The following ST6GALNAC2 variants were observed in gnomAD, a reference collection of about 807,000 sequenced individuals.
ST6GALNAC2 encodes the protein alpha-N-acetylgalactosaminide alpha-2,6-sialyltransferase 2.
ST6GALNAC2 carries 42 observed loss-of-function variants against 38.7 expected under a neutral mutation model. The ratio of observed to expected loss-of-function variants is 1.09; its 90% CI spans 0.85 to 1.40. ST6GALNAC2 has a LOEUF of 1.40. ST6GALNAC2 is among the 40% of genes most tolerant of loss of function. ST6GALNAC2 has a pLI of 0.00. For synonymous variants in ST6GALNAC2, 233 were observed against 209.0 expected (o/e 1.11, Z -0.99); for missense variants, 506 against 481.7 (o/e 1.05, Z -0.47).
At position 76,573,306 on chromosome 17, in the gene ST6GALNAC2, G is replaced by A. The variant is rs774912802; in HGVS notation, c.419C>T (p.Pro140Leu). Residue 140 changes from proline (P) to leucine (L), a missense_variant, in exon 4 of 9, where the codon CCG becomes CTG. Pro to Leu is a moderately conservative substitution (Grantham distance 98). Coordinates refer to ENST00000225276, the MANE Select transcript of ST6GALNAC2 (RefSeq NM_006456.3). This position sits in a 1 kb window ranked among gnomAD's most constrained non-coding sequence, Gnocchi z 5.1. ...ACACTTTGGAGGGGTGTCCCTGGGC[G>A]GGGCAAACAGCTTGGCACTCTCTGA... The part of the protein sequence containing the change: ...NGSESAKLFA[P>L]PRDTPPKCIR... 48 of 1,591,966 alleles carry A rather than the reference G, an allele frequency of 3.0e-5. No individual in the cohort carries two copies. In the East Asian group the frequency reaches 5.7e-4, roughly 19 times the overall value.
chr17:76,578,390 G>A (rs1333370221), intron 2 of ST6GALNAC2, among the ~76,000 whole-genome samples: 1 of 152,176 alleles, frequency 6.6e-6, no homozygotes, highest in Non-Finnish European at 1.5e-5. Context: ...CATCTTTTCA[G>A]AGCTTGGAGT....
chr17:76,576,137 A>G (rs1382706227), intron 2 of ST6GALNAC2, among the ~76,000 whole-genome samples: 2 of 152,156 alleles, frequency 1.3e-5, no homozygotes, highest in Non-Finnish European at 2.9e-5. Context: ...GGTCCCAGCT[A>G]CTTGGGAAGC....
chr17:76,577,054 CTTTTTTTTCTTTTTTT>C (rs2075425106), intron 2 of ST6GALNAC2, among the ~76,000 whole-genome samples: 2 of 90,218 alleles, frequency 2.2e-5, no homozygotes, highest in African/African-American at 7.1e-5. Flanking sequence ...TTAACAAATT[CTTTTTTTTCTTTTTTT>C]TTTTTTTTTT....
chr17:76,585,521 G>A (rs1237569583), intron 1 of ST6GALNAC2, among the ~76,000 whole-genome samples, 163 bp downstream of exon 1: 1 of 152,140 alleles, frequency 6.6e-6, no homozygotes, highest in Admixed American at 6.5e-5. Flanking sequence ...GAGGGTTCTG[G>A]CGACAAAGGG....
chr17:76,570,777 C>G lies in ST6GALNAC2; in HGVS notation c.670-109G>C, dbSNP rs2075344842. ...CCCCCTGAGCCGACTGGAGAATTTC[C>G]CTTAAATACCTTTCATTCCCACCCA... On this transcript the variant is annotated intron_variant, in intron 5 of 8. Coordinates refer to ENST00000225276, the MANE Select transcript of ST6GALNAC2 (RefSeq NM_006456.3). The G allele has an allele frequency of 3.9e-6, 3 of 779,048 alleles. No homozygotes were observed. The Admixed American group carries it at 6.2e-5, about 16-fold the overall frequency. The allele number at this position is 779,048 out of a possible 1,614,324, so 48.3% of individuals were successfully genotyped here. A position where few individuals can be genotyped will look rare whatever the true frequency, so the allele number is the denominator to read the frequency against.
rs557892005 is a variant in ST6GALNAC2 at position 76,570,288 on chromosome 17, A to G, written c.773+277T>C. On this transcript the variant is annotated intron_variant, in intron 6 of 8. Transcript: ENST00000225276. ...CCGAGAAGCCAGACCTGCTCACCCC[A>G]TTCAGAAGAGCTGCCTCTCCCACCC... 4.1e-4 allele frequency: 186 copies of G among 453,018 alleles called. 1 individual carries two copies. The highest frequency in any genetic ancestry group is 3.2e-3 in the African/African-American group (160 of 50,534). 28.1% of individuals were successfully genotyped at this position (453,018 alleles called of 1,614,324 possible).
rs1269011676 is a variant in ST6GALNAC2, at chr17:76,578,775, G to A, written c.167C>T (p.Ser56Leu). The A allele has an allele frequency of 1.4e-5, 23 of 1,613,150 alleles. No individual in the cohort carries two copies. Among genetic ancestry groups the A allele is most frequent in the East Asian group, 1.1e-4 (5 of 44,822 alleles). The change falls in exon 2 of 9, where the codon TCG becomes TTG. Residue 56 changes from serine to leucine, a missense_variant. Coordinates refer to ENST00000225276, the MANE Select transcript of ST6GALNAC2 (RefSeq NM_006456.3). Reference sequence around the variant, plus strand: ...CTCTACCTTTCCTGTCCAAGAATTCGATGCCTTGGATTGAAAGAATGCTTC... The same window carrying A: ...CTCTACCTTTCCTGTCCAAGAATTCAATGCCTTGGATTGAAAGAATGCTTC... ...SFEAFFQSKASNSWTGKGQAC... is the reference protein window; with the variant it reads ...SFEAFFQSKALNSWTGKGQAC...
At chr17:76,572,411 C>T (rs1348295830) in intron 5 of ST6GALNAC2, among the ~76,000 whole-genome samples, 1 of 152,196 alleles carries the variant, frequency 6.6e-6, no homozygotes, top group Non-Finnish European at 1.5e-5. Context: ...AAATGCTGGC[C>T]ATTCACATCC....
chr17:76,572,850 G>T (rs2075368838), intron 4 of ST6GALNAC2, 75 bp from the exon 5 acceptor site: 1 of 1,560,192 alleles, frequency 6.4e-7, no homozygotes, highest in East Asian at 2.2e-5. Context: ...CCACGGCTCT[G>T]CCTGGCCTAT....
rs71158024 is a variant in ST6GALNAC2 at position 76,577,573 on chromosome 17, ATTTTTTTTTTT to A, written c.186+1172_186+1182del. On this transcript the variant is annotated intron_variant, in intron 2 of 8. Coordinates refer to ENST00000225276, the MANE Select transcript of ST6GALNAC2 (RefSeq NM_006456.3). ...CGGCCAAGTGCCCATTGGCCTCTGT[ATTTTTTTTTTT>A]TTTTTTTTTGAGACGGAGTTTCGCT... 5.1e-5 allele frequency among the ~76,000 whole-genome samples: 6 copies of A among 117,104 alleles called. No individual in the cohort carries two copies. The Admixed American group carries it at 5.3e-4, about 10-fold the overall frequency. The allele number at this position is 117,104 out of a possible 152,430, so 76.8% of individuals were successfully genotyped here.
chr17:76,567,767 C>G (rs958662446), intron 7 of ST6GALNAC2: 5 of 487,384 alleles, frequency 1.0e-5, no homozygotes, highest in Non-Finnish European at 1.5e-5. Flanking sequence ...CAGGTTCCCC[C>G]TTTTGGCAAC....
chr17:76,574,354 G>A lies in ST6GALNAC2; in HGVS notation c.361+11C>T. On this transcript the variant is annotated intron_variant, in intron 3 of 8. Coordinates refer to ENST00000225276, the MANE Select transcript of ST6GALNAC2 (RefSeq NM_006456.3). ...GCAGAAGGCAGGTGAGAGACAGCGGGCGCGGGTTACCTTGGTGAGAGAGCC... is the reference window on the plus strand; with the variant it reads ...GCAGAAGGCAGGTGAGAGACAGCGGACGCGGGTTACCTTGGTGAGAGAGCC... The A allele has an allele frequency of 6.2e-7, 1 of 1,608,622 alleles. No individual in the cohort carries two copies. The highest frequency in any genetic ancestry group is 8.5e-7 in the Non-Finnish European group (1 of 1,176,850).
rs1264691852 is a variant in ST6GALNAC2 at position 76,573,147 on chromosome 17, T to C, written c.530+48A>G. 6.7e-6 allele frequency: 10 copies of C among 1,491,152 alleles called. No individual in the cohort carries two copies. Among genetic ancestry groups the C allele is most frequent in the Non-Finnish European group, 8.2e-6 (9 of 1,092,430 alleles). 92.4% of individuals were successfully genotyped at this position (1,491,152 alleles called of 1,614,324 possible). A position where few individuals can be genotyped will look rare whatever the true frequency, so the allele number is the denominator to read the frequency against. Reference sequence around the variant, plus strand: ...GCCCCTGGGGGAGACACCCCCACCCTCCAGGCAACTCTCCCTCCCGCCCCT... The same window carrying C: ...GCCCCTGGGGGAGACACCCCCACCCCCCAGGCAACTCTCCCTCCCGCCCCT... On this transcript the variant is annotated intron_variant, in intron 4 of 8. Transcript: ENST00000225276. This position sits in a 1 kb window ranked among gnomAD's most constrained non-coding sequence, Gnocchi z 5.1.
chr17:76,568,490 C>T (rs1372163719), intron 7 of ST6GALNAC2: 2 of 590,258 alleles, frequency 3.4e-6, no homozygotes, highest in Admixed American at 2.9e-5. Flanking sequence ...TCCTGAGTTT[C>T]CTGTCCATTT....
intron 8 of ST6GALNAC2, 112 bp from the exon 9 acceptor site, chr17:76,566,383 T>C: frequency 8.5e-7 from 1 of 1,179,456 alleles, no homozygotes. Flanking sequence ...GTGAGGATAA[T>C]GGTCTAGGGC....
intron 1 of ST6GALNAC2, among the ~76,000 whole-genome samples, chr17:76,583,484 G>A (rs1215597330): frequency 1.3e-5 from 2 of 151,942 alleles, no homozygotes; most frequent in East Asian, 3.9e-4. Context: ...TGTACTGCAA[G>A]CCTGGGTGAC....
chr17:76,576,993 T>G (rs1598257201), intron 2 of ST6GALNAC2, among the ~76,000 whole-genome samples: 1 of 147,904 alleles, frequency 6.8e-6, no homozygotes, highest in Admixed American at 6.8e-5. Flanking sequence ...AAATGCAAAA[T>G]GTATGTGATG....
At chr17:76,580,729 AAG>A (rs2075466134) in intron 1 of ST6GALNAC2, among the ~76,000 whole-genome samples, 1 of 151,362 alleles carries the variant, frequency 6.6e-6, no homozygotes. Context: ...CAAAAAAAAA[AAG>A]AGTGAAAGTT....
Position 76,568,566 on chromosome 17 carries a change from C to A in ST6GALNAC2, c.857+147G>T. On this transcript the variant is annotated intron_variant, in intron 7 of 8. Transcript: ENST00000225276. ...CTAAATAAAACAGTAAATGAAGTGA[C>A]AGTGCTTTGCACACAGCACTCGGGA... 5.7e-6 allele frequency: 4 copies of A among 702,512 alleles called. No individual in the cohort carries two copies. In the South Asian group the frequency reaches 6.8e-5, roughly 12 times the overall value. 43.5% of individuals were successfully genotyped at this position (702,512 alleles called of 1,614,324 possible).
Sources: allele counts gnomAD v4.1 joint callset (sites outside exome capture counted in the v4.1 genomes callset), GRCh38; gene constraint gnomAD v4.1.1; non-coding constraint Gnocchi (gnomAD v3.1); transcripts MANE v1.5; gene names NCBI Gene and HGNC (gene_info 2026-07-23, HGNC 2026-07-21).